SMOC2: variants seen among roughly 807,000 people sequenced by gnomAD.
The protein encoded by SMOC2 is SPARC related modular calcium binding 2.
A neutral mutation model predicts 61.4 loss-of-function variants in SMOC2; 39 were observed. The ratio of observed to expected loss-of-function variants is 0.64; its 90% CI spans 0.49 to 0.83. SMOC2 has a LOEUF of 0.83. SMOC2 is among the 40% of genes least tolerant of loss of function. SMOC2 has a pLI of 0.00. For missense variants in SMOC2, 556 were observed against 592.9 expected (o/e 0.94, Z 0.65); for synonymous variants, 247 against 239.9 (o/e 1.03, Z -0.27).
At position 168,608,561 on chromosome 6, in the gene SMOC2, A is replaced by T. The variant is rs185793720; in HGVS notation, c.907+322A>T. On this transcript the variant is annotated intron_variant, in intron 9 of 12. Coordinates refer to ENST00000356284, the MANE Select transcript of SMOC2 (RefSeq NM_001166412.2). Reference sequence around the variant, plus strand: ...TAGATGCTCCTGAACCCCACAGCCCAAAGAACCCTTTATTCATTCTACCTA... The same window carrying T: ...TAGATGCTCCTGAACCCCACAGCCCTAAGAACCCTTTATTCATTCTACCTA... Among the ~76,000 whole-genome samples, 132 of 152,340 alleles carry T rather than the reference A, an allele frequency of 8.7e-4. 1 individual carries two copies. Among genetic ancestry groups the T allele is most frequent in the African/African-American group, 3.1e-3 (127 of 41,586 alleles).
intron 4 of SMOC2, among the ~76,000 whole-genome samples, chr6:168,540,739 CG>C (rs1562336680): frequency 6.6e-6 from 1 of 152,192 alleles, no homozygotes; most frequent in African/African-American, 2.4e-5. Flanking sequence ...GACCAGAGAA[CG>C]CAGCCCTTGC....
Position 168,441,189 on chromosome 6 carries a change from G to C in SMOC2, c.-182G>C. The C allele has an allele frequency of 1.2e-6, 1 of 846,906 alleles. No homozygotes were observed. Among genetic ancestry groups the C allele is most frequent in the Non-Finnish European group, 1.6e-6 (1 of 614,982 alleles). 52.5% of individuals were successfully genotyped at this position (846,906 alleles called of 1,614,324 possible). On this transcript the variant is annotated 5_prime_UTR_variant, in exon 1 of 13. Transcript: ENST00000356284. The stretch of plus-strand genomic sequence containing the variant: ...GAGCGAGGGCGGACGCAAAGAACGC[G>C]GAGGACCTCTGGGTGCCTGCAGGGG...
At chr6:168,601,827 C>T (rs971476409) in intron 8 of SMOC2, among the ~76,000 whole-genome samples, 1 of 151,982 alleles carries the variant, frequency 6.6e-6, no homozygotes, top group Admixed American at 6.6e-5. Flanking sequence ...ACACAGTAAC[C>T]CCTCTCTTCC....
At chr6:168,556,777 A>G (rs1326207608) in intron 7 of SMOC2, among the ~76,000 whole-genome samples, 4 of 107,920 alleles carry the variant, frequency 3.7e-5, no homozygotes, top group African/African-American at 3.7e-5. Flanking sequence ...GCTGTGTGAT[A>G]TTCCCCTTCC....
At chr6:168,550,532 G>A (rs1249727508) in intron 7 of SMOC2, among the ~76,000 whole-genome samples, 2 of 152,108 alleles carry the variant, frequency 1.3e-5, no homozygotes, top group African/African-American at 4.8e-5. Context: ...TGCAAAGCTA[G>A]CGCGGTGCAA....
chr6:168,447,439 C>T (rs1176490496), intron 1 of SMOC2, among the ~76,000 whole-genome samples: 3 of 152,154 alleles, frequency 2.0e-5, no homozygotes, highest in East Asian at 1.9e-4. Flanking sequence ...ATTTTAGCAC[C>T]AGCTGAGACT....
intron 2 of SMOC2, among the ~76,000 whole-genome samples, chr6:168,524,808 G>T (rs1783416276): frequency 6.6e-6 from 1 of 152,282 alleles, no homozygotes; most frequent in South Asian, 2.1e-4. Context: ...CGTTTGCTCA[G>T]ATGTGTAGGC....
chr6:168,457,797 CTGTTT>C (rs1781622654), intron 1 of SMOC2, among the ~76,000 whole-genome samples: 1 of 152,188 alleles, frequency 6.6e-6, no homozygotes, highest in Non-Finnish European at 1.5e-5. Context: ...TTTTCCAAGC[CTGTTT>C]TGTTCTCTCT....
chr6:168,610,332 G>A (rs1785824242), intron 9 of SMOC2, among the ~76,000 whole-genome samples: 1 of 152,228 alleles, frequency 6.6e-6, no homozygotes, highest in African/African-American at 2.4e-5. Context: ...AGCTTGTGCT[G>A]TTGCCATAGA....
chr6:168,572,815 T>C (rs199627604), intron 7 of SMOC2, among the ~76,000 whole-genome samples: 16 of 43,818 alleles, frequency 3.7e-4, no homozygotes, highest in East Asian at 1.8e-3. Context: ...CCCCGGGTGC[T>C]GGGACCAGGG....
At chr6:168,599,429 CCA>C (rs1338352937) in intron 8 of SMOC2, among the ~76,000 whole-genome samples, 22 of 127,582 alleles carry the variant, frequency 1.7e-4, no homozygotes, top group East Asian at 1.1e-3. Flanking sequence ...CCCCCCACAC[CCA>C]CACTCACACA....
chr6:168,641,963 A>G (rs1786900800), intron 9 of SMOC2, among the ~76,000 whole-genome samples: 1 of 152,240 alleles, frequency 6.6e-6, no homozygotes, highest in South Asian at 2.1e-4. Flanking sequence ...GAATATAGAA[A>G]ATATAGAAAA....
chr6:168,576,991 G>C (rs1784818974), intron 7 of SMOC2, among the ~76,000 whole-genome samples: 1 of 152,160 alleles, frequency 6.6e-6, no homozygotes, highest in South Asian at 2.1e-4. Context: ...TCCCTGGAAG[G>C]TGAATTCCAG....
At chr6:168,502,147 A>G (rs1358382485) in intron 1 of SMOC2, among the ~76,000 whole-genome samples, 1 of 152,180 alleles carries the variant, frequency 6.6e-6, no homozygotes, top group Non-Finnish European at 1.5e-5. Context: ...AACATACCCT[A>G]TATTCATTTA....
In SMOC2 at chr6:168,641,696, A is replaced by G. The variant is rs1382004150; in HGVS notation, c.908-8985A>G. Among the ~76,000 whole-genome samples the G allele has an allele frequency of 4.6e-5, 7 of 152,354 alleles. No homozygotes were observed. The East Asian group carries it at 1.4e-3, about 29-fold the overall frequency. On this transcript the variant is annotated intron_variant, in intron 9 of 12. Coordinates refer to ENST00000356284, the MANE Select transcript of SMOC2 (RefSeq NM_001166412.2). ...GGGAGTTTACGGCAGCACTCAGTTT[A>G]ATGGATGAGCCGAGGCAGGGCCAAG...
chr6:168,569,662 C>G (rs1784621656), intron 7 of SMOC2, among the ~76,000 whole-genome samples: 1 of 151,998 alleles, frequency 6.6e-6, no homozygotes, highest in Admixed American at 6.6e-5. Flanking sequence ...CAGGGTGGTC[C>G]CCAACTCCTT....
At chr6:168,496,177 A>G (rs889171270) in intron 1 of SMOC2, among the ~76,000 whole-genome samples, 3 of 152,124 alleles carry the variant, frequency 2.0e-5, no homozygotes, top group Non-Finnish European at 2.9e-5. Flanking sequence ...TTGGTCACAG[A>G]GCCTGGAAGC....
chr6:168,574,722 G>A (rs1034764558), intron 7 of SMOC2, among the ~76,000 whole-genome samples: 9 of 152,068 alleles, frequency 5.9e-5, no homozygotes, highest in Non-Finnish European at 7.4e-5. Context: ...CCGAACTGCC[G>A]GACTCGGCGC....
At chr6:168,565,153 C>G (rs1784514389) in intron 7 of SMOC2, among the ~76,000 whole-genome samples, 2 of 152,206 alleles carry the variant, frequency 1.3e-5, no homozygotes, top group Admixed American at 6.5e-5. Context: ...ATGCAGTTCC[C>G]TTAGTGAATC....
Sources: gnomAD v4.1 joint callset for allele counts (sites outside exome capture counted in the v4.1 genomes callset) on GRCh38, gnomAD v4.1.1 for gene constraint, MANE v1.5 for transcripts, NCBI Gene and HGNC (gene_info 2026-07-23, HGNC 2026-07-21) for gene names.